The following ADAM32 variants were observed in gnomAD, a reference collection of about 807,000 sequenced individuals.
ADAM32 encodes the protein disintegrin and metalloproteinase domain-containing protein 32.
A neutral mutation model predicts 114.9 loss-of-function variants in ADAM32; 89 were observed. The observed-to-expected ratio is 0.77, with a 90% CI of 0.65 to 0.92. ADAM32 has a LOEUF of 0.92. Ranked by LOEUF, ADAM32 falls within the 40% of genes least tolerant of loss-of-function variation. The probability of loss-of-function intolerance (pLI) is 0.00; values close to 1 mark genes in which losing one functional copy is unlikely to be tolerated. For synonymous variants in ADAM32, 285 were observed against 307.5 expected (o/e 0.93, Z 0.77); for missense variants, 870 against 932.8 (o/e 0.93, Z 0.88).
At position 39,232,144 on chromosome 8, in the gene ADAM32, T is replaced by C. The variant is rs770148536; in HGVS notation, c.1634+9T>C. On this transcript the variant is annotated intron_variant, in intron 15 of 24. Coordinates refer to ENST00000379907, the MANE Select transcript of ADAM32 (RefSeq NM_145004.7). Reference sequence around the variant, plus strand: ...GTGTTCTGTGGATGGAGGTATGCTCTACAAATATAAATGATACTTTTCTTA... The same window carrying C: ...GTGTTCTGTGGATGGAGGTATGCTCCACAAATATAAATGATACTTTTCTTA... 7 of 1,560,134 alleles carry C rather than the reference T, an allele frequency of 4.5e-6. No individual in the cohort carries two copies. In the South Asian group the frequency reaches 7.0e-5, roughly 16 times the overall value.
At chr8:39,217,338 G>A (rs1217237924) in intron 12 of ADAM32, among the ~76,000 whole-genome samples, 2 of 151,964 alleles carry the variant, frequency 1.3e-5, no homozygotes, top group East Asian at 3.8e-4. Context: ...CTTTGAGGTA[G>A]TTTTCTTTGG....
intron 18 of ADAM32, among the ~76,000 whole-genome samples, chr8:39,256,501 G>A (rs1811656159): frequency 6.6e-6 from 1 of 151,996 alleles, no homozygotes; most frequent in African/African-American, 2.4e-5. Context: ...GTGCCCCACA[G>A]CTTCCATTTC....
At position 39,107,771 on chromosome 8, in the gene ADAM32, G is replaced by T. The variant is rs376049484; in HGVS notation, c.-5G>T. On this transcript the variant is annotated 5_prime_UTR_variant, in exon 1 of 25. Coordinates refer to ENST00000379907, the MANE Select transcript of ADAM32 (RefSeq NM_145004.7). The stretch of plus-strand genomic sequence containing the variant: ...GCTTCCCGCTGGCAGCCCCGAAGCC[G>T]CACCATGTTCCGCCTCTGGTTGCTG... The T allele has an allele frequency of 7.7e-5, 120 of 1,550,282 alleles. No individual in the cohort carries two copies. The highest frequency in any genetic ancestry group is 1.0e-4 in the Non-Finnish European group (118 of 1,146,660).
At chr8:39,275,316 T>A (rs1231040213) in intron 21 of ADAM32, among the ~76,000 whole-genome samples, 2 of 152,248 alleles carry the variant, frequency 1.3e-5, no homozygotes, top group Non-Finnish European at 2.9e-5. Flanking sequence ...ATTCTCTCTC[T>A]CTCTGTTACT....
At chr8:39,276,660 C>G (rs1433152875) in intron 22 of ADAM32, among the ~76,000 whole-genome samples, 1 of 152,160 alleles carries the variant, frequency 6.6e-6, no homozygotes, top group African/African-American at 2.4e-5. Context: ...AGAAATTTAC[C>G]TCTTCAATAA....
chr8:39,195,978 G>T (rs926346292), intron 11 of ADAM32, among the ~76,000 whole-genome samples: 1 of 152,062 alleles, frequency 6.6e-6, no homozygotes, highest in Non-Finnish European at 1.5e-5. Context: ...CACATGGGTG[G>T]ATGTTTTTCC....
At chr8:39,207,661 T>C (rs764517404) in intron 11 of ADAM32, among the ~76,000 whole-genome samples, 20 of 152,236 alleles carry the variant, frequency 1.3e-4, no homozygotes, top group Non-Finnish European at 2.4e-4. Context: ...TTATTCTTCC[T>C]GTTTAACTAA....
chr8:39,217,942 T>C (rs1178510784), intron 12 of ADAM32, among the ~76,000 whole-genome samples: 2 of 152,230 alleles, frequency 1.3e-5, no homozygotes, highest in African/African-American at 2.4e-5. Context: ...CTTTGGTTTC[T>C]GGGCATTGAA....
At chr8:39,183,941 C>T (rs1806066223) in intron 10 of ADAM32, among the ~76,000 whole-genome samples, 1 of 152,194 alleles carries the variant, frequency 6.6e-6, no homozygotes. Flanking sequence ...ACCTGGGATA[C>T]ACGAGGACAA....
chr8:39,133,122 G>T (rs1216022426), intron 2 of ADAM32, among the ~76,000 whole-genome samples: 2 of 152,106 alleles, frequency 1.3e-5, no homozygotes, highest in Non-Finnish European at 2.9e-5. Context: ...CTCAGTGTTG[G>T]AAGTGGGGCC....
chr8:39,233,628 G>A (rs1465328904), intron 15 of ADAM32, among the ~76,000 whole-genome samples: 1 of 152,134 alleles, frequency 6.6e-6, no homozygotes, highest in Admixed American at 6.6e-5. Flanking sequence ...ATGCAGCCCA[G>A]TAGGTCTTAG....
intron 3 of ADAM32, among the ~76,000 whole-genome samples, chr8:39,140,869 G>C (rs1326324824): frequency 6.6e-6 from 1 of 152,126 alleles, no homozygotes; most frequent in Non-Finnish European, 1.5e-5. Context: ...CTTCTTCCTG[G>C]TTTAGTCTTG....
chr8:39,116,720 C>A lies in ADAM32; in HGVS notation c.59-1366C>A, dbSNP rs147571023. On this transcript the variant is annotated intron_variant, in intron 1 of 24. Coordinates refer to ENST00000379907, the MANE Select transcript of ADAM32 (RefSeq NM_145004.7). ...GACTTCCTCTCTTCCTATTCGGATG[C>A]CTTTTATTTCTTTCTCTTGCCTGAT... Among the ~76,000 whole-genome samples the A allele has an allele frequency of 3.9e-4, 59 of 152,062 alleles. No homozygotes were observed. In the East Asian group the frequency reaches 0.01, roughly 27 times the overall value.
At chr8:39,233,397 C>A (rs544893156) in intron 15 of ADAM32, among the ~76,000 whole-genome samples, 2 of 152,316 alleles carry the variant, frequency 1.3e-5, no homozygotes, top group East Asian at 3.9e-4. Context: ...CATTTGTAAA[C>A]TGTCATGGTG....
intron 10 of ADAM32, among the ~76,000 whole-genome samples, chr8:39,186,473 A>T (rs902722010): frequency 6.6e-6 from 1 of 152,178 alleles, no homozygotes; most frequent in African/African-American, 2.4e-5. Context: ...CAGCAGGGTG[A>T]GCACTTAAAT....
At chr8:39,267,082 C>A (rs1018544528) in intron 19 of ADAM32, among the ~76,000 whole-genome samples, 1 of 152,190 alleles carries the variant, frequency 6.6e-6, no homozygotes, top group Non-Finnish European at 1.5e-5. Flanking sequence ...GGGCTGCCAG[C>A]AAAAGCACTG....
intron 11 of ADAM32, among the ~76,000 whole-genome samples, chr8:39,194,078 G>A (rs1224166526): frequency 1.3e-5 from 2 of 152,166 alleles, no homozygotes; most frequent in African/African-American, 4.8e-5. Flanking sequence ...ACCAGTGTTT[G>A]TAGCAGCGAT....
chr8:39,206,022 G>C (rs1807806578), intron 11 of ADAM32, among the ~76,000 whole-genome samples: 1 of 152,126 alleles, frequency 6.6e-6, no homozygotes, highest in Non-Finnish European at 1.5e-5. Context: ...AATTTAATGA[G>C]TTGACTTTCA....
intron 16 of ADAM32, among the ~76,000 whole-genome samples, chr8:39,236,031 T>C (rs753881381): frequency 6.6e-6 from 1 of 152,214 alleles, no homozygotes; most frequent in South Asian, 2.1e-4. Flanking sequence ...ATTATTGTAC[T>C]CGTGTAAAAA....
Sources: gnomAD v4.1 joint callset for allele counts (sites outside exome capture counted in the v4.1 genomes callset) on GRCh38, gnomAD v4.1.1 for gene constraint, MANE v1.5 for transcripts, NCBI Gene and HGNC (gene_info 2026-07-23, HGNC 2026-07-21) for gene names.